AIG1: variants seen among roughly 807,000 people sequenced by gnomAD.
AIG1 encodes the protein androgen induced 1, also known as androgen-induced gene 1 protein.
Under a neutral mutation model 31.4 loss-of-function variants are expected in AIG1, and 23 were observed. The observed-to-expected ratio is 0.73, with a 90% CI of 0.53 to 1.04. The LOEUF (loss-of-function observed/expected upper bound fraction) is 1.04. Among genes scored for constraint, AIG1 ranks in the 50% least tolerant of loss-of-function variants. The pLI, the probability that AIG1 is intolerant of heterozygous loss-of-function variation, is 0.00. For missense variants in AIG1, 274 were observed against 295.0 expected, an observed-to-expected ratio of 0.93 and a Z score of 0.52; for synonymous variants, 100 against 110.5, an observed-to-expected ratio of 0.90 and a Z score of 0.60.
At chr6:143,105,257 T>A (rs1780697768) in intron 1 of AIG1, among the ~76,000 whole-genome samples, 1 of 152,102 alleles carries the variant, frequency 6.6e-6, no homozygotes, top group African/African-American at 2.4e-5. Flanking sequence ...CACGGCCAGA[T>A]ACACTGAAAC....
intron 4 of AIG1, among the ~76,000 whole-genome samples, chr6:143,310,633 T>C (rs1316931468): frequency 6.7e-6 from 1 of 149,858 alleles, no homozygotes; most frequent in Non-Finnish European, 1.5e-5. Flanking sequence ...ATAAATAAAA[T>C]TTAAAAAAAA....
intron 3 of AIG1, among the ~76,000 whole-genome samples, chr6:143,241,279 C>G (rs778289975): frequency 6.6e-6 from 1 of 152,194 alleles, no homozygotes; most frequent in Admixed American, 6.5e-5. Flanking sequence ...ACAACTATTC[C>G]AAACCCCTAT....
Position 143,291,886 on chromosome 6 carries a change from A to G in AIG1, c.515+7661A>G, listed in dbSNP as rs2128688805. 6.6e-6 allele frequency among the ~76,000 whole-genome samples: 1 copy of G among 152,312 alleles called. No homozygotes were observed. Among genetic ancestry groups the G allele is most frequent in the East Asian group, 1.9e-4 (1 of 5,182 alleles). The stretch of plus-strand genomic sequence containing the variant: ...GATTGGCAGTCATTGGAAGGTTTGG[A>G]CAGAGACTTGACATGAACTGAGACA... On this transcript the variant is annotated intron_variant, in intron 4 of 5. Coordinates refer to ENST00000357847, the MANE Select transcript of AIG1 (RefSeq NM_016108.4). This position sits in a 1 kb window ranked among gnomAD's most constrained non-coding sequence, Gnocchi z 4.2.
In AIG1 at chr6:143,284,163, G is replaced by A. The variant is rs1360562141; in HGVS notation, c.453G>A (p.Gln151=). 4 of 1,613,946 alleles carry A rather than the reference G, an allele frequency of 2.5e-6. No homozygotes were observed. Among genetic ancestry groups the A allele is most frequent in the East Asian group, 2.2e-5 (1 of 44,888 alleles). Residue 151 remains glutamine, a synonymous_variant, in exon 4 of 6, where the codon CAG becomes CAA. Transcript: ENST00000357847. This position sits in a 1 kb window ranked among gnomAD's most constrained non-coding sequence, Gnocchi z 4.4. ...ILIEMRTSHH[Q]YPSRSSGLTA... ...TCGAGATGAGGACATCGCACCATCA[G>A]TATCCCAGCAGGAGCAGCGGACTTA...
chr6:143,244,660 T>C (rs1794482531), intron 3 of AIG1, among the ~76,000 whole-genome samples: 1 of 152,210 alleles, frequency 6.6e-6, no homozygotes, highest in South Asian at 2.1e-4. Context: ...AACAAAACAC[T>C]GTGAGCATCA....
chr6:143,191,777 A>T (rs1412853712), intron 3 of AIG1, among the ~76,000 whole-genome samples: 3 of 152,206 alleles, frequency 2.0e-5, no homozygotes, highest in Non-Finnish European at 4.4e-5. Flanking sequence ...CATTTAAAAA[A>T]TTTTAATGAC....
chr6:143,288,890 T>C lies in AIG1; in HGVS notation c.515+4665T>C, dbSNP rs1050829148. Among the ~76,000 whole-genome samples the C allele has an allele frequency of 6.6e-6, 1 of 152,188 alleles. No individual in the cohort carries two copies. Among genetic ancestry groups the C allele is most frequent in the Non-Finnish European group, 1.5e-5 (1 of 68,034 alleles). On this transcript the variant is annotated intron_variant, in intron 4 of 5. Coordinates refer to ENST00000357847, the MANE Select transcript of AIG1 (RefSeq NM_016108.4). This position sits in a 1 kb window ranked among gnomAD's most constrained non-coding sequence, Gnocchi z 4.4. ...GATGTCTCAAAGAAGTAGTGGGTGG[T>C]TACAAGTCATAGGTGAATTCAAAGA...
At chr6:143,259,458 A>T (rs552978596) in intron 3 of AIG1, among the ~76,000 whole-genome samples, 2 of 152,060 alleles carry the variant, frequency 1.3e-5, no homozygotes, top group Non-Finnish European at 2.9e-5. Flanking sequence ...TTGCGGGCTC[A>T]TCTCTTCTGC....
chr6:143,079,779 C>CTTTTTTT (rs78637706), intron 1 of AIG1, among the ~76,000 whole-genome samples: 7 of 106,972 alleles, frequency 6.5e-5, no homozygotes, highest in Non-Finnish European at 1.1e-4. Flanking sequence ...GGATAGATTC[C>CTTTTTTT]TTTTTTTTTT....
intron 2 of AIG1, among the ~76,000 whole-genome samples, chr6:143,161,791 A>T (rs958988587): frequency 6.6e-6 from 1 of 152,092 alleles, no homozygotes; most frequent in African/African-American, 2.4e-5. Context: ...AATAGAAGAG[A>T]TTTTTCTCAA....
chr6:143,061,338 G>C, intron 1 of AIG1: 1 of 588,328 alleles, frequency 1.7e-6, no homozygotes, highest in Non-Finnish European at 3.3e-6. Context: ...CAGCCAGGTG[G>C]TGGGCTCTTT....
chr6:143,094,567 A>G (rs1779586884), intron 1 of AIG1, among the ~76,000 whole-genome samples: 1 of 152,306 alleles, frequency 6.6e-6, no homozygotes, highest in South Asian at 2.1e-4. Flanking sequence ...ATGGAGGCCT[A>G]CAAAGCACTA....
intron 4 of AIG1, among the ~76,000 whole-genome samples, chr6:143,316,435 G>A (rs1320107201): frequency 6.6e-6 from 1 of 152,152 alleles, no homozygotes. Context: ...ATCCCTTCTA[G>A]CTTGTAAGGT....
At chr6:143,079,587 C>T (rs1308701082) in intron 1 of AIG1, among the ~76,000 whole-genome samples, 2 of 152,174 alleles carry the variant, frequency 1.3e-5, no homozygotes, top group African/African-American at 4.8e-5. Context: ...CAGAAGCCTA[C>T]ATATGTTTTC....
At chr6:143,133,752 T>A (rs1332368211) in intron 1 of AIG1, among the ~76,000 whole-genome samples, 2 of 152,054 alleles carry the variant, frequency 1.3e-5, no homozygotes. Context: ...AGGTGAACAG[T>A]TGTAGTGAAT....
chr6:143,154,013 G>A (rs1042811576), intron 2 of AIG1, among the ~76,000 whole-genome samples: 9 of 151,652 alleles, frequency 5.9e-5, no homozygotes, highest in Non-Finnish European at 1.5e-5. Context: ...CACTTTGGGA[G>A]GCCAAGGCTG....
chr6:143,333,587 A>G lies in AIG1; in HGVS notation c.679+142A>G. 2 of 805,098 alleles carry G rather than the reference A, an allele frequency of 2.5e-6. No homozygotes were observed. The highest frequency in any genetic ancestry group is 6.1e-5 in the South Asian group (2 of 32,568). 49.9% of individuals were successfully genotyped at this position (805,098 alleles called of 1,614,324 possible). A position where few individuals can be genotyped will look rare whatever the true frequency, so the allele number is the denominator to read the frequency against. On this transcript the variant is annotated intron_variant, in intron 5 of 5. Coordinates refer to ENST00000357847, the MANE Select transcript of AIG1 (RefSeq NM_016108.4). This position sits in a 1 kb window ranked among gnomAD's most constrained non-coding sequence, Gnocchi z 4.6. ...TATAAAGAGCTCCATTTTTAAAACTACAATATGAATTTAAGAGCTGCTGAC... is the reference window on the plus strand; with the variant it reads ...TATAAAGAGCTCCATTTTTAAAACTGCAATATGAATTTAAGAGCTGCTGAC...
At position 143,213,508 on chromosome 6, in the gene AIG1, CTTTTTTTTT is replaced by C. The variant is rs746350692; in HGVS notation, c.399+48343_399+48351del. ...GGAAAGTTCTTTCTTTTTCTTTCTT[CTTTTTTTTT>C]TTTTTTTTTTTTTTTTTGAGATGGA... On this transcript the variant is annotated intron_variant, in intron 3 of 5. Coordinates refer to ENST00000357847, the MANE Select transcript of AIG1 (RefSeq NM_016108.4). Among the ~76,000 whole-genome samples, 493 of 61,190 alleles carry C rather than the reference CTTTTTTTTT, an allele frequency of 8.1e-3. 7 individuals carry two copies. The East Asian group carries it at 0.1, about 12-fold the overall frequency. 40.1% of individuals were successfully genotyped at this position (61,190 alleles called of 152,430 possible).
chr6:143,272,934 G>T (rs1253707883), intron 3 of AIG1, among the ~76,000 whole-genome samples: 1 of 152,178 alleles, frequency 6.6e-6, no homozygotes, highest in Admixed American at 6.5e-5. Flanking sequence ...TTCAAGACCA[G>T]CCTGGCCAAC....
Sources: gnomAD v4.1 joint callset for allele counts (sites outside exome capture counted in the v4.1 genomes callset) on GRCh38, gnomAD v4.1.1 for gene constraint, Gnocchi (gnomAD v3.1) non-coding constraint, MANE v1.5 for transcripts, NCBI Gene and HGNC (gene_info 2026-07-23, HGNC 2026-07-21) for gene names.